The following GRIN2B variants were observed in gnomAD, a reference collection of about 807,000 sequenced individuals.
GRIN2B encodes the protein glutamate ionotropic receptor NMDA type subunit 2B.
In GRIN2B, 5 loss-of-function variants were observed where a neutral mutation model predicts 114.5. The ratio of observed to expected loss-of-function variants is 0.04; its 90% CI spans 0.02 to 0.09. The LOEUF is 0.09. GRIN2B is among the 10% of genes least tolerant of loss of function. The pLI is 1.00. For missense variants in GRIN2B, 1,108 were observed against 1,943.5 expected (o/e 0.57, Z 8.08); for synonymous variants, 787 against 745.1 (o/e 1.06, Z -0.92).
intron 2 of GRIN2B, among the ~76,000 whole-genome samples, chr12:13,904,998 AT>A (rs1279810506): frequency 1.3e-5 from 2 of 152,048 alleles, no homozygotes; most frequent in Non-Finnish European, 2.9e-5. Context: ...GAATCTGTAG[AT>A]TTGACTTTTT....
At chr12:13,566,816 G>T (rs762883330) in intron 13 of GRIN2B, among the ~76,000 whole-genome samples, 1 of 152,174 alleles carries the variant, frequency 6.6e-6, no homozygotes, top group African/African-American at 2.4e-5. Context: ...CACACAGAAA[G>T]CTGTTTCTTG....
intron 5 of GRIN2B, among the ~76,000 whole-genome samples, chr12:13,640,065 G>A (rs997377102): frequency 2.0e-5 from 3 of 152,088 alleles, no homozygotes; most frequent in Non-Finnish European, 2.9e-5. Flanking sequence ...TTGAGGAAGA[G>A]GGATACCAGG....
At chr12:13,853,669 T>C (rs755848793) in intron 3 of GRIN2B, among the ~76,000 whole-genome samples, 7 of 152,232 alleles carry the variant, frequency 4.6e-5, no homozygotes, top group Non-Finnish European at 7.3e-5. Flanking sequence ...GCCAGGTTGC[T>C]GATTGCTGGT....
chr12:13,755,499 T>A (rs1363384233), intron 3 of GRIN2B, among the ~76,000 whole-genome samples: 1 of 152,202 alleles, frequency 6.6e-6, no homozygotes, highest in East Asian at 1.9e-4. Context: ...CTCTCTTCTC[T>A]GGACTTAAAG....
intron 2 of GRIN2B, among the ~76,000 whole-genome samples, chr12:13,961,262 G>A (rs1477107973): frequency 6.6e-6 from 1 of 152,120 alleles, no homozygotes; most frequent in East Asian, 1.9e-4. Flanking sequence ...GGAAGCATTA[G>A]AGAATTCCAC....
intron 4 of GRIN2B, among the ~76,000 whole-genome samples, chr12:13,683,310 G>A (rs374003151): frequency 3.5e-4 from 53 of 152,180 alleles, no homozygotes; most frequent in African/African-American, 1.1e-3. Context: ...TATAACACAC[G>A]TACACACTCA....
chr12:13,640,916 G>C (rs1413320007), intron 5 of GRIN2B, among the ~76,000 whole-genome samples: 1 of 152,042 alleles, frequency 6.6e-6, no homozygotes, highest in Non-Finnish European at 1.5e-5. Context: ...ACCATTAGTT[G>C]TTACACCAGG....
At chr12:13,598,147 T>C (rs1047562734) in intron 10 of GRIN2B, among the ~76,000 whole-genome samples, 6 of 152,190 alleles carry the variant, frequency 3.9e-5, no homozygotes, top group Non-Finnish European at 7.3e-5. Flanking sequence ...GATGTCCTCC[T>C]TGCCAGGCAA....
In GRIN2B at chr12:13,773,819, A is replaced by G. The variant is rs112385504; in HGVS notation, c.412-19904T>C. On this transcript the variant is annotated intron_variant, in intron 3 of 13. Transcript: ENST00000609686. ...AGAATCCAGCTTTACATAAGAGACT[A>G]GAGGTACATAGAGGGGAACTAGTTT... Among the ~76,000 whole-genome samples, 13 of 152,326 alleles carry G rather than the reference A, an allele frequency of 8.5e-5. 1 individual carries two copies. Among genetic ancestry groups the G allele is most frequent in the African/African-American group, 3.1e-4 (13 of 41,574 alleles).
intron 10 of GRIN2B, among the ~76,000 whole-genome samples, chr12:13,607,025 C>G (rs896364643): frequency 6.1e-5 from 9 of 147,896 alleles, no homozygotes; most frequent in African/African-American, 1.8e-4. Context: ...TTCCATGGGC[C>G]ATGATGTGCC....
intron 2 of GRIN2B, among the ~76,000 whole-genome samples, chr12:13,916,578 G>A (rs1159298124): frequency 2.6e-5 from 4 of 152,116 alleles, no homozygotes; most frequent in Non-Finnish European, 5.9e-5. Flanking sequence ...GCCAGGCGTG[G>A]TGGCTCACGC....
chr12:13,926,030 G>A (rs145867929), intron 2 of GRIN2B, among the ~76,000 whole-genome samples: 257 of 152,194 alleles, frequency 1.7e-3, no homozygotes, highest in Non-Finnish European at 2.8e-3. Context: ...ATGGAACGGG[G>A]CAAGAATATG....
In GRIN2B at chr12:13,547,839, T is replaced by G. The variant is rs1948361963; in HGVS notation, c.*14944A>C. The G allele has an allele frequency of 6.6e-6, 1 of 151,828 alleles. No individual in the cohort carries two copies. Among genetic ancestry groups the G allele is most frequent in the Non-Finnish European group, 1.5e-5 (1 of 67,954 alleles). The allele number at this position is 151,828 out of a possible 1,614,324, so 9.4% of individuals were successfully genotyped here. A position where few individuals can be genotyped will look rare whatever the true frequency, so the allele number is the denominator to read the frequency against. ...GACTTCTCTCCACATTGTCGCAGTG[T>G]TGAAACTCTGAGATAAGAATTCCTT... is the stretch of plus-strand genomic sequence containing the variant. On this transcript the variant is annotated 3_prime_UTR_variant, in exon 14 of 14. Transcript: ENST00000609686.
chr12:13,648,450 C>T (rs567507074), intron 5 of GRIN2B, among the ~76,000 whole-genome samples: 7 of 151,992 alleles, frequency 4.6e-5, no homozygotes, highest in African/African-American at 7.2e-5. Flanking sequence ...CTGGCTTTAA[C>T]GCAGCCAAGT....
At chr12:13,627,940 A>G (rs1282291531) in intron 5 of GRIN2B, among the ~76,000 whole-genome samples, 1 of 152,180 alleles carries the variant, frequency 6.6e-6, no homozygotes. Context: ...AGAGCTCATA[A>G]CCAGAAGGGT....
intron 3 of GRIN2B, among the ~76,000 whole-genome samples, chr12:13,861,214 T>C (rs1865745865): frequency 2.0e-5 from 3 of 152,352 alleles, no homozygotes; most frequent in Non-Finnish European, 4.4e-5. Flanking sequence ...TGTCTTATGA[T>C]GCAGAATTGT....
intron 4 of GRIN2B, among the ~76,000 whole-genome samples, chr12:13,717,106 C>T (rs942848048): frequency 2.6e-5 from 3 of 114,216 alleles, no homozygotes; most frequent in African/African-American, 8.6e-5. Context: ...TGTGTGTATT[C>T]ACTCAATCAT....
intron 3 of GRIN2B, among the ~76,000 whole-genome samples, chr12:13,808,136 G>C (rs866774817): frequency 9.9e-5 from 15 of 152,062 alleles, no homozygotes; most frequent in African/African-American, 3.1e-4. Flanking sequence ...AGTGCTTTTG[G>C]GGGTGGGGGA....
Position 13,552,117 on chromosome 12 carries a change from G to A in GRIN2B, c.*10666C>T, listed in dbSNP as rs1455557886. ...ACTATGAATCTCTTACTGCAAGGGG[G>A]ACAGATGGAGTCACAGCCTGGTGGC... On this transcript the variant is annotated 3_prime_UTR_variant, in exon 14 of 14. Transcript: ENST00000609686. 1 of 152,168 alleles carries A rather than the reference G, an allele frequency of 6.6e-6. No individual in the cohort carries two copies. 9.4% of individuals were successfully genotyped at this position (152,168 alleles called of 1,614,324 possible). A position where few individuals can be genotyped will look rare whatever the true frequency, so the allele number is the denominator to read the frequency against.
Sources: gnomAD v4.1 joint callset for allele counts (sites outside exome capture counted in the v4.1 genomes callset) on GRCh38, gnomAD v4.1.1 for gene constraint, MANE v1.5 for transcripts, NCBI Gene and HGNC (gene_info 2026-07-23, HGNC 2026-07-21) for gene names.